The following CIT variants were observed in gnomAD, a reference collection of about 807,000 sequenced individuals.
The protein encoded by CIT is citron rho-interacting serine/threonine kinase, also known as citron Rho-interacting kinase.
A neutral mutation model predicts 272.7 loss-of-function variants in CIT; 79 were observed. The ratio of observed to expected loss-of-function variants is 0.29; its 90% CI spans 0.24 to 0.35. The LOEUF (loss-of-function observed/expected upper bound fraction) is 0.35, where lower values mean the gene tolerates loss of function less well. Ranked by LOEUF, CIT falls within the 10% of genes least tolerant of loss-of-function variation. CIT has a pLI of 1.00. For synonymous variants in CIT, 948 were observed against 995.6 expected, an observed-to-expected ratio of 0.95 and a Z score of 0.90; for missense variants, 1,909 against 2,618.3, an observed-to-expected ratio of 0.73 and a Z score of 5.91.
rs561152531 is a variant in CIT at position 119,791,318 on chromosome 12, T to G, written c.1296-6253A>C. ...TCCATCCATGACTGGCTGCATTCAGTGCTAAGAAGCTGACTCCAAGCCTGA... is the reference window on the plus strand; with the variant it reads ...TCCATCCATGACTGGCTGCATTCAGGGCTAAGAAGCTGACTCCAAGCCTGA... On this transcript the variant is annotated intron_variant, in intron 10 of 47. Coordinates refer to ENST00000392521, the MANE Select transcript of CIT (RefSeq NM_001206999.2). Among the ~76,000 whole-genome samples, 3 of 152,244 alleles carry G rather than the reference T, an allele frequency of 2.0e-5. No homozygotes were observed. In the East Asian group the frequency reaches 5.8e-4, roughly 29 times the overall value.
intron 10 of CIT, among the ~76,000 whole-genome samples, chr12:119,793,080 T>A (rs1257309265): frequency 6.7e-6 from 1 of 149,784 alleles, no homozygotes. Context: ...GCACCCCCCC[T>A]CCCCCACCAC....
At position 119,712,111 on chromosome 12, in the gene CIT, G is replaced by A. The variant is rs1454602227; in HGVS notation, c.4854+67C>T. 1.6e-5 allele frequency: 24 copies of A among 1,467,250 alleles called. No individual in the cohort carries two copies. Among genetic ancestry groups the A allele is most frequent in the Middle Eastern group, 2.1e-4 (1 of 4,728 alleles). The allele number at this position is 1,467,250 out of a possible 1,614,324, so 90.9% of individuals were successfully genotyped here. A position where few individuals can be genotyped will look rare whatever the true frequency, so the allele number is the denominator to read the frequency against. The stretch of plus-strand genomic sequence containing the variant: ...CAAAATGGCCAATGGGATTCTCGTC[G>A]TTAACACCAGTTACCAAGTCAGCCC... On this transcript the variant is annotated intron_variant, in intron 37 of 47. Coordinates refer to ENST00000392521, the MANE Select transcript of CIT (RefSeq NM_001206999.2). This position sits in a 1 kb window ranked among gnomAD's most constrained non-coding sequence, Gnocchi z 5.2.
chr12:119,719,540 C>T (rs7961569), intron 30 of CIT, among the ~76,000 whole-genome samples: 1 of 151,942 alleles, frequency 6.6e-6, no homozygotes, highest in Non-Finnish European at 1.5e-5. Context: ...TATACAGTCA[C>T]GCAGCATGCA....
intron 5 of CIT, among the ~76,000 whole-genome samples, chr12:119,846,916 G>A (rs965522317): frequency 8.7e-5 from 13 of 149,844 alleles, no homozygotes; most frequent in Admixed American, 5.3e-4. Context: ...AAAAAAATAC[G>A]TATCTAAAAC....
chr12:119,692,035 T>G (rs1054674699), intron 46 of CIT, among the ~76,000 whole-genome samples: 2 of 152,242 alleles, frequency 1.3e-5, no homozygotes, highest in Admixed American at 6.5e-5. Context: ...GAACCAAGCA[T>G]GAATCACAGA....
intron 2 of CIT, among the ~76,000 whole-genome samples, chr12:119,872,073 C>T (rs966846318): frequency 3.6e-4 from 55 of 152,232 alleles, no homozygotes; most frequent in African/African-American, 1.2e-3. Context: ...AAAAAATGAA[C>T]ACCACATGAT....
chr12:119,712,775 C>A lies in CIT; in HGVS notation c.4580-80G>T. On this transcript the variant is annotated intron_variant, in intron 35 of 47. Transcript: ENST00000392521. This position sits in a 1 kb window ranked among gnomAD's most constrained non-coding sequence, Gnocchi z 5.2. The stretch of plus-strand genomic sequence containing the variant: ...AGGGGAGAAGAGAGAGCGAGAGAGA[C>A]AGCAAGGGAGAGAGAGACAGGGTAC... 8.5e-7 allele frequency: 1 copy of A among 1,176,578 alleles called. No homozygotes were observed. The highest frequency in any genetic ancestry group is 1.3e-6 in the Non-Finnish European group (1 of 794,520). The allele number at this position is 1,176,578 out of a possible 1,614,324, so 72.9% of individuals were successfully genotyped here.
chr12:119,817,420 A>C (rs1566085181), intron 9 of CIT, among the ~76,000 whole-genome samples: 1 of 152,000 alleles, frequency 6.6e-6, no homozygotes, highest in African/African-American at 2.4e-5. Flanking sequence ...GCTGAGGCAG[A>C]AGAATGGCGT....
At chr12:119,835,013 T>C (rs1284743143) in intron 5 of CIT, among the ~76,000 whole-genome samples, 1 of 152,184 alleles carries the variant, frequency 6.6e-6, no homozygotes, top group Non-Finnish European at 1.5e-5. Context: ...GTACAACCCC[T>C]TTTTTGAAAT....
chr12:119,809,501 T>C (rs1472392660), intron 9 of CIT, among the ~76,000 whole-genome samples: 1 of 152,198 alleles, frequency 6.6e-6, no homozygotes, highest in East Asian at 1.9e-4. Flanking sequence ...CCATAGTCCT[T>C]GTTACAATCT....
At chr12:119,861,710 C>T (rs1950343865) in intron 3 of CIT, among the ~76,000 whole-genome samples, 1 of 152,108 alleles carries the variant, frequency 6.6e-6, no homozygotes, top group Non-Finnish European at 1.5e-5. Flanking sequence ...TTTTGGAACA[C>T]AGTAATCCAA....
At chr12:119,812,446 T>A (rs1156546342) in intron 9 of CIT, among the ~76,000 whole-genome samples, 1 of 138,954 alleles carries the variant, frequency 7.2e-6, no homozygotes, top group Non-Finnish European at 1.6e-5. Flanking sequence ...TTTCTCCAAC[T>A]TTTTTTTTTT....
chr12:119,717,834 C>CTTGCTTTTTTTTTTTTT (rs1957596158), intron 32 of CIT, among the ~76,000 whole-genome samples: 1 of 70,244 alleles, frequency 1.4e-5, no homozygotes, highest in Admixed American at 1.8e-4. Flanking sequence ...AGACTGACTT[C>CTTGCTTTTTTTTTTTTT]TTTCTTTTTT....
intron 16 of CIT, among the ~76,000 whole-genome samples, chr12:119,774,060 A>G (rs1963484328): frequency 6.6e-6 from 1 of 152,240 alleles, no homozygotes; most frequent in African/African-American, 2.4e-5. Flanking sequence ...ACAAAAGGAC[A>G]AACACTGTAT....
At chr12:119,761,098 C>G (rs1961730483) in intron 19 of CIT, 43 bp from the exon 20 acceptor site, 1 of 1,394,646 alleles carries the variant, frequency 7.2e-7, no homozygotes, top group Non-Finnish European at 1.0e-6. Flanking sequence ...AGGAGCCAAG[C>G]TGAGGAGGGA....
Position 119,753,321 on chromosome 12 carries a change from C to T in CIT, c.2707-1074G>A, listed in dbSNP as rs868786529. ...GCTCCTCCCTAGAAAAGGTGGCACC[C>T]ACATCCCGAAGCCCATAGGGGTGAA... On this transcript the variant is annotated intron_variant, in intron 22 of 47. Coordinates refer to ENST00000392521, the MANE Select transcript of CIT (RefSeq NM_001206999.2). 3.9e-5 allele frequency among the ~76,000 whole-genome samples: 6 copies of T among 152,256 alleles called. No homozygotes were observed. The South Asian group carries it at 6.2e-4, about 16-fold the overall frequency.
intron 10 of CIT, among the ~76,000 whole-genome samples, chr12:119,796,761 T>C (rs1449450645): frequency 7.9e-5 from 12 of 152,072 alleles, no homozygotes; most frequent in Non-Finnish European, 1.5e-5. Context: ...AGATGGTACG[T>C]ACATTGCAAG....
Position 119,804,909 on chromosome 12 carries a change from T to C in CIT, c.1112-1520A>G, listed in dbSNP as rs551641528. The stretch of plus-strand genomic sequence containing the variant: ...TAACACCTCCAGTCTCTCAAGAGAA[T>C]TTAAATCTTCCCTGTTAGTGTCAGA... On this transcript the variant is annotated intron_variant, in intron 9 of 47. Transcript: ENST00000392521. The surrounding 1 kb of genome is among the most constrained non-coding windows in gnomAD (Gnocchi z 5.3). Among the ~76,000 whole-genome samples the C allele has an allele frequency of 1.3e-5, 2 of 152,320 alleles. No homozygotes were observed. Among genetic ancestry groups the C allele is most frequent in the African/African-American group, 4.8e-5 (2 of 41,568 alleles).
intron 5 of CIT, among the ~76,000 whole-genome samples, chr12:119,849,893 AGC>A (rs1305014556): frequency 6.6e-6 from 1 of 152,128 alleles, no homozygotes; most frequent in Non-Finnish European, 1.5e-5. Context: ...TCACTGTGTT[AGC>A]CAGGATGGTC....
Sources: allele counts gnomAD v4.1 joint callset (sites outside exome capture counted in the v4.1 genomes callset), GRCh38; gene constraint gnomAD v4.1.1; non-coding constraint Gnocchi (gnomAD v3.1); transcripts MANE v1.5; gene names NCBI Gene and HGNC (gene_info 2026-07-23, HGNC 2026-07-21).